KANSL1L: variants seen among roughly 807,000 people sequenced by gnomAD.
KANSL1L encodes KAT8 regulatory NSL complex subunit 1 like.
In KANSL1L, 25 loss-of-function variants were observed where a neutral mutation model predicts 108.6. The observed-to-expected ratio is 0.23, with a 90% CI of 0.17 to 0.32. KANSL1L has a LOEUF of 0.32. Among genes scored for constraint, KANSL1L ranks in the 10% least tolerant of loss-of-function variants. KANSL1L has a pLI of 1.00. For missense variants in KANSL1L, 1,137 were observed against 1,125.7 expected, an observed-to-expected ratio of 1.01 and a Z score of -0.14; for synonymous variants, 405 against 395.1, an observed-to-expected ratio of 1.03 and a Z score of -0.30.
chr2:210,112,767 G>T lies in KANSL1L; in HGVS notation c.1231-8466C>A, dbSNP rs183381523. Among the ~76,000 whole-genome samples the T allele has an allele frequency of 2.0e-5, 3 of 152,146 alleles. No homozygotes were observed. The East Asian group carries it at 5.8e-4, about 29-fold the overall frequency. On this transcript the variant is annotated intron_variant, in intron 3 of 14. Transcript: ENST00000281772. ...TTATCGTTTCTATGTGTTGGAACAG[G>T]AACCACCAGGAATCTGTCACCCCAC...
chr2:210,070,874 A>T (rs1257198056), intron 6 of KANSL1L, among the ~76,000 whole-genome samples: 1 of 152,132 alleles, frequency 6.6e-6, no homozygotes. Context: ...AATAAAACAT[A>T]TGTAGCCGGG....
At chr2:210,074,706 T>C (rs1487370738) in intron 6 of KANSL1L, among the ~76,000 whole-genome samples, 3 of 152,218 alleles carry the variant, frequency 2.0e-5, no homozygotes, top group East Asian at 1.9e-4. Context: ...TTCCTATTTA[T>C]AACTGGACCC....
At chr2:210,097,973 C>A in intron 5 of KANSL1L, 113 bp downstream of exon 5, 1 of 698,498 alleles carries the variant, frequency 1.4e-6, no homozygotes, top group Non-Finnish European at 2.3e-6. Context: ...ACTCTAGTAG[C>A]CCCTAATGTA....
chr2:210,129,217 A>G, intron 2 of KANSL1L, 45 bp from the exon 3 acceptor site: 1 of 1,503,264 alleles, frequency 6.7e-7, no homozygotes, highest in Non-Finnish European at 9.0e-7. Context: ...AAAGGCAATC[A>G]AGTTTCACAA....
At chr2:210,030,828 G>C (rs2094006527) in intron 9 of KANSL1L, 1 of 151,702 alleles carries the variant, frequency 6.6e-6, no homozygotes, top group Non-Finnish European at 1.5e-5. Context: ...CTACCCTTTT[G>C]GAATTGTCTA....
rs376754674 is a variant in KANSL1L at position 210,098,075 on chromosome 2, T to C, written c.1550+11A>G. 127 of 1,593,706 alleles carry C rather than the reference T, an allele frequency of 8.0e-5. No individual in the cohort carries two copies. Among genetic ancestry groups the C allele is most frequent in the Non-Finnish European group, 1.0e-4 (120 of 1,171,134 alleles). ...TGAATTTAAAAGCTAAGCTATTCCA[T>C]TGATACCTACCTCCTGTAAATGCCA... On this transcript the variant is annotated intron_variant, in intron 5 of 14. Transcript: ENST00000281772.
At chr2:210,038,021 T>C (rs559082740) in intron 8 of KANSL1L, among the ~76,000 whole-genome samples, 1 of 152,252 alleles carries the variant, frequency 6.6e-6, no homozygotes, top group South Asian at 2.1e-4. Context: ...TTTTTATCCT[T>C]TTATATCACA....
At chr2:210,077,519 CAAG>C (rs1575484027) in intron 5 of KANSL1L, among the ~76,000 whole-genome samples, 1 of 151,874 alleles carries the variant, frequency 6.6e-6, no homozygotes, top group Non-Finnish European at 1.5e-5. Flanking sequence ...GAGTCGAGGT[CAAG>C]AAGAAGACAG....
Position 210,023,255 on chromosome 2 carries a change from A to T in KANSL1L, c.2734-76T>A, listed in dbSNP as rs74328033. 2.3e-3 allele frequency: 2,192 copies of T among 961,748 alleles called. 35 individuals are homozygous for T. In the African/African-American group the frequency reaches 0.032, roughly 14 times the overall value. The allele number at this position is 961,748 out of a possible 1,614,324, so 59.6% of individuals were successfully genotyped here. On this transcript the variant is annotated intron_variant, in intron 14 of 14. Coordinates refer to ENST00000281772, the MANE Select transcript of KANSL1L (RefSeq NM_152519.4). Reference sequence around the variant, plus strand: ...AATTCATCTAACAAGTAATCTGTACATGTCTATATTGTAATAATTGTTCTG... The same window carrying T: ...AATTCATCTAACAAGTAATCTGTACTTGTCTATATTGTAATAATTGTTCTG...
rs919982359 is a variant in KANSL1L at position 210,022,791 on chromosome 2, A to G, written c.*158T>C. The G allele has an allele frequency of 3.3e-6, 2 of 606,650 alleles. No individual in the cohort carries two copies. The highest frequency in any genetic ancestry group is 5.7e-6 in the Non-Finnish European group (2 of 348,494). The allele number at this position is 606,650 out of a possible 1,614,324, so 37.6% of individuals were successfully genotyped here. ...AATCTGGTTACCCTTATGGTTCCAGAAGGAAAAACAGACTTATCTTGCCTG... is the reference window on the plus strand; with the variant it reads ...AATCTGGTTACCCTTATGGTTCCAGGAGGAAAAACAGACTTATCTTGCCTG... On this transcript the variant is annotated 3_prime_UTR_variant, in exon 15 of 15. Coordinates refer to ENST00000281772, the MANE Select transcript of KANSL1L (RefSeq NM_152519.4).
intron 6 of KANSL1L, among the ~76,000 whole-genome samples, chr2:210,056,464 T>G (rs2125249893): frequency 6.6e-6 from 1 of 152,262 alleles, no homozygotes; most frequent in East Asian, 1.9e-4. Context: ...TGATGAGGAT[T>G]TATATGCCAG....
At chr2:210,076,074 T>C (rs1032324115) in intron 5 of KANSL1L, among the ~76,000 whole-genome samples, 4 of 152,252 alleles carry the variant, frequency 2.6e-5, no homozygotes, top group Non-Finnish European at 4.4e-5. Context: ...TACAGTATTT[T>C]AACTATTTAC....
intron 5 of KANSL1L, among the ~76,000 whole-genome samples, chr2:210,084,559 CTA>C (rs1392385822): frequency 2.0e-5 from 3 of 151,580 alleles, no homozygotes; most frequent in Non-Finnish European, 4.4e-5. Flanking sequence ...TATGAAAAGA[CTA>C]TATTAAAAAG....
intron 3 of KANSL1L, among the ~76,000 whole-genome samples, chr2:210,119,471 A>T (rs1434732660): frequency 6.6e-6 from 1 of 152,244 alleles, no homozygotes; most frequent in Non-Finnish European, 1.5e-5. Context: ...ATAACAACAT[A>T]TTAAAAATAT....
chr2:210,144,035 T>C (rs1209545210), intron 2 of KANSL1L, among the ~76,000 whole-genome samples: 1 of 152,178 alleles, frequency 6.6e-6, no homozygotes, highest in Non-Finnish European at 1.5e-5. Context: ...CTTTCTCAGA[T>C]TTTGTATGTC....
chr2:210,120,420 G>C (rs1240662393), intron 3 of KANSL1L, among the ~76,000 whole-genome samples: 1 of 152,024 alleles, frequency 6.6e-6, no homozygotes, highest in Non-Finnish European at 1.5e-5. Context: ...TAAAAAAGTG[G>C]TGCTGGGATA....
At chr2:210,128,291 C>T (rs1260804935) in intron 3 of KANSL1L, among the ~76,000 whole-genome samples, 1 of 152,096 alleles carries the variant, frequency 6.6e-6, no homozygotes, top group African/African-American at 2.4e-5. Context: ...AAAACAGGGT[C>T]TCAAAGAGAT....
chr2:210,117,932 G>C (rs2094970775), intron 3 of KANSL1L, among the ~76,000 whole-genome samples: 1 of 152,088 alleles, frequency 6.6e-6, no homozygotes, highest in Non-Finnish European at 1.5e-5. Flanking sequence ...GGGAGGCCGA[G>C]ACAGGTGGAT....
chr2:210,023,328 A>G, intron 14 of KANSL1L, 149 bp from the exon 15 acceptor site: 1 of 630,870 alleles, frequency 1.6e-6, no homozygotes, highest in Non-Finnish European at 2.8e-6. Context: ...TTAAATAGCA[A>G]CTCAAAATGG....
Sources: allele counts gnomAD v4.1 joint callset (sites outside exome capture counted in the v4.1 genomes callset), GRCh38; gene constraint gnomAD v4.1.1; transcripts MANE v1.5; gene names NCBI Gene and HGNC (gene_info 2026-07-23, HGNC 2026-07-21).